ALPK2: variants seen among roughly 807,000 people sequenced by gnomAD.
The protein encoded by ALPK2 is alpha kinase 2.
A neutral mutation model predicts 163.1 loss-of-function variants in ALPK2; 127 were observed. The observed-to-expected ratio is 0.78, with a 90% confidence interval of 0.67 to 0.90. ALPK2 has a LOEUF of 0.90. ALPK2 is among the 40% of genes least tolerant of loss of function. ALPK2 has a pLI of 0.00. For missense variants in ALPK2, 2,360 were observed against 2,589.6 expected (o/e 0.91, Z 1.92); for synonymous variants, 953 against 959.1 (o/e 0.99, Z 0.12).
chr18:58,518,637 C>T (rs149619036), intron 8 of ALPK2, among the ~76,000 whole-genome samples: 102 of 152,318 alleles, frequency 6.7e-4, no homozygotes, highest in African/African-American at 2.4e-3. Context: ...AAATATTCTA[C>T]TCCCCCTTCT....
At chr18:58,560,730 G>A (rs764842648) in intron 4 of ALPK2, among the ~76,000 whole-genome samples, 8 of 152,218 alleles carry the variant, frequency 5.3e-5, no homozygotes, top group Non-Finnish European at 8.8e-5. Flanking sequence ...ATACTGTTAC[G>A]TGGGCATGGG....
intron 10 of ALPK2, among the ~76,000 whole-genome samples, chr18:58,505,589 A>G (rs1249864619): frequency 6.6e-6 from 1 of 152,016 alleles, no homozygotes; most frequent in Non-Finnish European, 1.5e-5. Context: ...CCTCTACAGA[A>G]TCATTCCCAA....
intron 11 of ALPK2, among the ~76,000 whole-genome samples, chr18:58,503,528 C>A (rs1450776892): frequency 4.0e-5 from 6 of 149,574 alleles, no homozygotes; most frequent in Admixed American, 4.0e-4. Flanking sequence ...GCTGTCTCTA[C>A]AAAAAAAAAA....
chr18:58,577,925 G>GT (rs1336127977), intron 4 of ALPK2: 4 of 152,152 alleles, frequency 2.6e-5, no homozygotes, highest in Non-Finnish European at 4.4e-5. Flanking sequence ...ACAAAGTATA[G>GT]TAAAAATAAC....
At chr18:58,559,741 G>A (rs377521062) in intron 4 of ALPK2, among the ~76,000 whole-genome samples, 4 of 152,070 alleles carry the variant, frequency 2.6e-5, no homozygotes, top group East Asian at 3.9e-4. Flanking sequence ...TCTCTTCCAC[G>A]TCAGATTTTC....
intron 12 of ALPK2, among the ~76,000 whole-genome samples, chr18:58,497,135 G>A (rs1477536227): frequency 6.6e-6 from 1 of 152,196 alleles, no homozygotes; most frequent in African/African-American, 2.4e-5. Flanking sequence ...GTGGCCTGGT[G>A]CCCCCTCTTG....
Position 58,537,845 on chromosome 18 carries a change from G to C in ALPK2, c.2342C>G (p.Pro781Arg), listed in dbSNP as rs749386712. 6.2e-7 allele frequency: 1 copy of C among 1,614,124 alleles called. No homozygotes were observed. The highest frequency in any genetic ancestry group is 1.3e-5 in the African/African-American group (1 of 75,026). The change falls in exon 5 of 13, where the codon CCC (proline) becomes CGC (arginine). Residue 781 changes from proline to arginine, a missense_variant. Transcript: ENST00000361673. ...PVAVSVASPEPTDTALTLENV... is the reference protein window; with the variant it reads ...PVAVSVASPERTDTALTLENV... ...TTCCAGGGTGAGGGCAGTATCTGTG[G>C]GTTCAGGGGAAGCAACAGAGACAGC...
chr18:58,485,526 T>C (rs770448588), intron 12 of ALPK2, among the ~76,000 whole-genome samples: 2 of 152,182 alleles, frequency 1.3e-5, no homozygotes, highest in African/African-American at 2.4e-5. Flanking sequence ...TCCATGGCCT[T>C]GGGAAAAATG....
intron 1 of ALPK2, among the ~76,000 whole-genome samples, chr18:58,617,890 C>T (rs556077892): frequency 1.2e-4 from 18 of 152,198 alleles, no homozygotes; most frequent in Non-Finnish European, 2.5e-4. Flanking sequence ...TCCCACTTAA[C>T]CCATCTGCTC....
intron 12 of ALPK2, among the ~76,000 whole-genome samples, chr18:58,490,310 A>C (rs907041709): frequency 2.0e-5 from 3 of 152,166 alleles, no homozygotes; most frequent in Non-Finnish European, 4.4e-5. Flanking sequence ...ACCTTCAGCA[A>C]CTTATCTGAA....
chr18:58,583,542 A>T (rs2051970405), intron 3 of ALPK2, among the ~76,000 whole-genome samples: 1 of 152,104 alleles, frequency 6.6e-6, no homozygotes, highest in African/African-American at 2.4e-5. Context: ...AGCTGAGCAC[A>T]GTGGCTCACA....
In ALPK2 at chr18:58,573,701, T is replaced by C. The variant is rs189475944; in HGVS notation, c.1962+5113A>G. ...GGGATGTGGCAGGGTCATAGGATAA[T>C]AGTGGAGAGAAGGTCAGCAGATAAA... is the stretch of plus-strand genomic sequence containing the variant. On this transcript the variant is annotated intron_variant, in intron 4 of 12. Transcript: ENST00000361673. Among the ~76,000 whole-genome samples, 33 of 145,340 alleles carry C rather than the reference T, an allele frequency of 2.3e-4. No homozygotes were observed. The East Asian group carries it at 6.2e-3, about 27-fold the overall frequency.
chr18:58,532,090 G>C (rs1024084438), intron 5 of ALPK2, among the ~76,000 whole-genome samples: 1 of 152,090 alleles, frequency 6.6e-6, no homozygotes, highest in African/African-American at 2.4e-5. Context: ...GCCCACAGTG[G>C]ATTCATATTA....
Position 58,556,074 on chromosome 18 carries a change from G to A in ALPK2, c.1963-17850C>T, listed in dbSNP as rs867935263. ...TGACCTCAAGTGATCCACCAGCCTC[G>A]GCCTCCCAAAGTGCTGGGATTACAG... is the stretch of plus-strand genomic sequence containing the variant. On this transcript the variant is annotated intron_variant, in intron 4 of 12. Transcript: ENST00000361673. 5.9e-5 allele frequency among the ~76,000 whole-genome samples: 9 copies of A among 151,922 alleles called. No individual in the cohort carries two copies. In the South Asian group the frequency reaches 6.2e-4, roughly 11 times the overall value.
At chr18:58,565,568 G>A (rs1314988978) in intron 4 of ALPK2, among the ~76,000 whole-genome samples, 5 of 151,798 alleles carry the variant, frequency 3.3e-5, no homozygotes, top group East Asian at 1.9e-4. Flanking sequence ...CAATTGTTAC[G>A]GATGTTTTAT....
intron 4 of ALPK2, among the ~76,000 whole-genome samples, chr18:58,541,273 G>A (rs1046961447): frequency 1.3e-5 from 2 of 152,240 alleles, no homozygotes; most frequent in Non-Finnish European, 2.9e-5. Context: ...GACAGGAGCA[G>A]GACCAAGAGC....
rs746079272 is a variant in ALPK2 at position 58,504,125 on chromosome 18, T to G, written c.6053A>C (p.His2018Pro). 4.3e-6 allele frequency: 7 copies of G among 1,614,080 alleles called. No homozygotes were observed. Among genetic ancestry groups the G allele is most frequent in the Non-Finnish European group, 5.1e-6 (6 of 1,179,978 alleles). ...VPEIIPIFLIHRPENNIPYAT... is the reference protein window; with the variant it reads ...VPEIIPIFLIPRPENNIPYAT... ...ATACGGGATATTGTTCTCAGGCCGA[T>G]GGATAAGAAAAATAGGAATGATCCT... The change falls in exon 11 of 13, where the codon CAT becomes CCT. Residue 2018 changes from histidine (H) to proline (P), a missense_variant. Transcript: ENST00000361673.
intron 1 of ALPK2, among the ~76,000 whole-genome samples, chr18:58,613,029 A>G (rs1048071320): frequency 5.9e-5 from 9 of 152,238 alleles, no homozygotes; most frequent in African/African-American, 2.2e-4. Flanking sequence ...GAGAGGCCAA[A>G]TTAAAGCAGC....
chr18:58,570,564 T>C (rs999769289), intron 4 of ALPK2, among the ~76,000 whole-genome samples: 13 of 152,266 alleles, frequency 8.5e-5, no homozygotes, highest in Non-Finnish European at 8.8e-5. Context: ...TAGTGGGCTA[T>C]GGTGGCAGTT....
Sources: allele counts gnomAD v4.1 joint callset (sites outside exome capture counted in the v4.1 genomes callset), GRCh38; gene constraint gnomAD v4.1.1; transcripts MANE v1.5; gene names NCBI Gene and HGNC (gene_info 2026-07-23, HGNC 2026-07-21).